The following ANK2 variants were observed in gnomAD, a reference collection of about 807,000 sequenced individuals.
The protein encoded by ANK2 is ankyrin-2.
In ANK2, 83 loss-of-function variants were observed where a neutral mutation model predicts 360.5. The observed-to-expected ratio is 0.23, with a 90% CI of 0.19 to 0.28. ANK2 has a LOEUF of 0.28. ANK2 is among the 10% of genes least tolerant of loss of function. ANK2 has a pLI of 1.00. For missense variants in ANK2, 4,201 were observed against 4,795.7 expected (o/e 0.88, Z 3.66); for synonymous variants, 1,740 against 1,759.5 (o/e 0.99, Z 0.28).
At chr4:113,309,149 A>G (rs2078644827) in intron 23 of ANK2, among the ~76,000 whole-genome samples, 1 of 152,210 alleles carries the variant, frequency 6.6e-6, no homozygotes, top group Middle Eastern at 3.2e-3. Context: ...TGATTTATAT[A>G]CATCTAACTG....
At chr4:112,764,212 A>G in the ANK2 span, among the ~76,000 whole-genome samples, 1 of 151,758 alleles carries the variant, frequency 6.6e-6, no homozygotes, top group African/African-American at 2.4e-5. Context: ...TAAAGTGTTG[A>G]GATTATAGGC....
At chr4:113,292,746 A>T (rs906282723) in intron 21 of ANK2, among the ~76,000 whole-genome samples, 4 of 151,986 alleles carry the variant, frequency 2.6e-5, no homozygotes, top group Non-Finnish European at 5.9e-5. Context: ...CTCTCTGGAG[A>T]CGGGGGCCCT....
chr4:113,099,847 A>G (rs1222872061), intron 1 of ANK2, among the ~76,000 whole-genome samples: 2 of 152,078 alleles, frequency 1.3e-5, no homozygotes, highest in East Asian at 3.8e-4. Flanking sequence ...ATTTTTGACC[A>G]AGATAAAAGG....
chr4:113,337,675 A>G (rs2093721322), intron 31 of ANK2, among the ~76,000 whole-genome samples: 1 of 151,748 alleles, frequency 6.6e-6, no homozygotes, highest in Admixed American at 6.6e-5. Flanking sequence ...CACCCTTCTT[A>G]CTCGTATGTT....
At chr4:112,736,315 T>G in the ANK2 span, among the ~76,000 whole-genome samples, 6 of 151,932 alleles carry the variant, frequency 3.9e-5, no homozygotes, top group Non-Finnish European at 7.4e-5. Flanking sequence ...TACAAAAAAT[T>G]AGCCAGACGT....
At chr4:113,296,240 T>C (rs1292335287) in intron 22 of ANK2, among the ~76,000 whole-genome samples, 2 of 152,204 alleles carry the variant, frequency 1.3e-5, no homozygotes, top group Non-Finnish European at 2.9e-5. Flanking sequence ...AATAGTGCTC[T>C]TTATTGATTT....
intron 2 of ANK2, among the ~76,000 whole-genome samples, chr4:112,991,414 G>A (rs747127951): frequency 2.0e-5 from 3 of 152,000 alleles, no homozygotes; most frequent in Admixed American, 6.6e-5. Context: ...GCCACAGATA[G>A]GGTGGCTTAA....
In ANK2 at chr4:112,902,871, G is replaced by A. The variant is rs968515226; in HGVS notation, c.-39-1584G>A. Among the ~76,000 whole-genome samples, 89 of 152,330 alleles carry A rather than the reference G, an allele frequency of 5.8e-4. 1 individual carries two copies. The highest frequency in any genetic ancestry group is 8.8e-5 in the Non-Finnish European group (6 of 68,036). ...TATAATCTTTTAATCTAGACAAAGA[G>A]TAGATCAAGTAAGATAAGGGGAAGA... On this transcript the variant is annotated intron_variant, in intron 1 of 30. Coordinates refer to the ANK2 transcript ENST00000503271.
intron 44 of ANK2, 37 bp from the exon 45 acceptor site, chr4:113,373,248 A>G (rs2096804665): frequency 1.2e-6 from 2 of 1,613,404 alleles, no homozygotes; most frequent in Admixed American, 1.7e-5. Flanking sequence ...TGGTACTGTC[A>G]CACAAAAATA....
At chr4:113,279,896 A>G (rs1260459813) in intron 17 of ANK2, among the ~76,000 whole-genome samples, 1 of 151,938 alleles carries the variant, frequency 6.6e-6, no homozygotes, top group Non-Finnish European at 1.5e-5. Flanking sequence ...TTCAGCACAT[A>G]TTTTATGTCT....
At chr4:113,009,795 T>TA (rs1255871659) in intron 2 of ANK2, among the ~76,000 whole-genome samples, 2 of 152,126 alleles carry the variant, frequency 1.3e-5, no homozygotes, top group Non-Finnish European at 2.9e-5. Flanking sequence ...AGTTTGGAAA[T>TA]ACTCAACTGT....
intron 1 of ANK2, among the ~76,000 whole-genome samples, chr4:113,062,363 C>A (rs986960959): frequency 6.6e-6 from 1 of 151,928 alleles, no homozygotes; most frequent in Non-Finnish European, 1.5e-5. Context: ...TAATAATGTG[C>A]ATTTTAGAAT....
At chr4:112,771,687 G>T in the ANK2 span, among the ~76,000 whole-genome samples, 40,107 of 151,692 alleles carry the variant, frequency 0.26, 5,813 homozygotes, top group East Asian at 0.57. Context: ...CCGAGTTCAC[G>T]CCATTCTCTT....
chr4:113,320,953 A>G (rs1247257230), intron 26 of ANK2, among the ~76,000 whole-genome samples: 1 of 152,190 alleles, frequency 6.6e-6, no homozygotes, highest in Non-Finnish European at 1.5e-5. Flanking sequence ...CTAAGAAAAA[A>G]GCTAAGTAAC....
At chr4:112,723,983 G>A in the ANK2 span, among the ~76,000 whole-genome samples, 1 of 151,936 alleles carries the variant, frequency 6.6e-6, no homozygotes, top group Non-Finnish European at 1.5e-5. Context: ...GAATCTGTTA[G>A]ACATGCTCTG....
chr4:113,293,313 A>G (rs780899313), intron 21 of ANK2, 127 bp from the exon 22 acceptor site: 4 of 837,410 alleles, frequency 4.8e-6, no homozygotes, highest in East Asian at 2.6e-5. Flanking sequence ...AAAACTAGTG[A>G]TTTTCCTAAG....
At chr4:113,072,178 C>T (rs1468453646) in intron 1 of ANK2, among the ~76,000 whole-genome samples, 2 of 152,202 alleles carry the variant, frequency 1.3e-5, no homozygotes, top group Admixed American at 6.5e-5. Flanking sequence ...TGTTTCTCTC[C>T]CCAGCACTTT....
rs199666356 is a variant in ANK2, at chr4:112,956,943, A to AT, written c.21+52436dup. 6.8e-5 allele frequency among the ~76,000 whole-genome samples: 10 copies of AT among 147,232 alleles called. No homozygotes were observed. The East Asian group carries it at 1.2e-3, about 18-fold the overall frequency. ...CACTACCTCTACTATGTATTATATGATTTTTTTATTGACGTTGTCTCTTAA... is the reference window on the plus strand; with the variant it reads ...CACTACCTCTACTATGTATTATATGATTTTTTTTATTGACGTTGTCTCTTAA... On this transcript the variant is annotated intron_variant, in intron 2 of 30. Transcript: ENST00000503271.
At chr4:112,992,349 G>T (rs2047109393) in intron 2 of ANK2, among the ~76,000 whole-genome samples, 1 of 152,002 alleles carries the variant, frequency 6.6e-6, no homozygotes, top group African/African-American at 2.4e-5. Flanking sequence ...TCACCATGTT[G>T]GGCAGGCTAG....
Sources: gnomAD v4.1 joint callset for allele counts (sites outside exome capture counted in the v4.1 genomes callset) on GRCh38, gnomAD v4.1.1 for gene constraint, MANE v1.5 for transcripts, NCBI Gene and HGNC (gene_info 2026-07-23, HGNC 2026-07-21) for gene names.